BID: variants seen among roughly 807,000 people sequenced by gnomAD.
The protein encoded by BID is BH3-interacting domain death agonist.
A neutral mutation model predicts 17.4 loss-of-function variants in BID; 19 were observed. That is an observed-to-expected ratio of 1.09 (90% CI 0.76 to 1.60). The LOEUF is 1.60. BID is among the 40% of genes most tolerant of loss of function. BID has a pLI of 0.00. For missense variants in BID, 226 were observed against 256.0 expected, an observed-to-expected ratio of 0.88 and a Z score of 0.80; for synonymous variants, 108 against 102.8, an observed-to-expected ratio of 1.05 and a Z score of -0.31.
At chr22:17,759,255 A>AAAC (rs2061618421) in intron 1 of BID, among the ~76,000 whole-genome samples, 1 of 149,914 alleles carries the variant, frequency 6.7e-6, no homozygotes, top group African/African-American at 2.5e-5. Context: ...ACAAAAAAAA[A>AAAC]AAAACAAAAG....
At chr22:17,754,508 G>T (rs974985241) in intron 1 of BID, among the ~76,000 whole-genome samples, 1 of 152,242 alleles carries the variant, frequency 6.6e-6, no homozygotes, top group Non-Finnish European at 1.5e-5. Context: ...TGCTTCTGAG[G>T]CCTATGTGCC....
At chr22:17,738,983 C>T (rs1383061556) in intron 4 of BID, among the ~76,000 whole-genome samples, 1 of 152,158 alleles carries the variant, frequency 6.6e-6, no homozygotes, top group Non-Finnish European at 1.5e-5. Context: ...AACCAAGGAG[C>T]TCAGCAGAGC....
chr22:17,755,170 C>T (rs376333484), intron 1 of BID, among the ~76,000 whole-genome samples: 83 of 151,364 alleles, frequency 5.5e-4, no homozygotes, highest in African/African-American at 2.0e-3. Context: ...CTGCAAGCTC[C>T]GCCTCCCAGG....
intron 4 of BID, 148 bp from the exon 5 acceptor site, chr22:17,738,377 G>A (rs2061435018): frequency 1.3e-6 from 1 of 773,186 alleles, no homozygotes; most frequent in Admixed American, 2.8e-5. Context: ...TGAGTTCTGA[G>A]AGGCAATGGA....
intron 1 of BID, among the ~76,000 whole-genome samples, chr22:17,768,553 C>G (rs1277051277): frequency 6.6e-6 from 1 of 152,200 alleles, no homozygotes; most frequent in Non-Finnish European, 1.5e-5. Context: ...GTCCGCCCCT[C>G]CCTGAACTCT....
At position 17,769,042 on chromosome 22, in the gene BID, AAAATAAAT is replaced by A. The variant is rs55838099; in HGVS notation, c.-59+5331_-59+5338del. Among the ~76,000 whole-genome samples the A allele has an allele frequency of 9.8e-3, 1,452 of 148,766 alleles. 17 individuals carry two copies. Among genetic ancestry groups the A allele is most frequent in the African/African-American group, 0.032 (1,273 of 40,276 alleles). On this transcript the variant is annotated intron_variant, in intron 1 of 5. Transcript: ENST00000622694. This position sits in a 1 kb window ranked among gnomAD's most constrained non-coding sequence, Gnocchi z 4.8. ...GGGCGACAGAGTGAGACTCGTCTCA[AAAATAAAT>A]AAATAAATAAATAAATAAATAAATA...
chr22:17,759,963 T>C (rs2061624251), intron 1 of BID, among the ~76,000 whole-genome samples: 1 of 149,420 alleles, frequency 6.7e-6, no homozygotes, highest in South Asian at 2.1e-4. Flanking sequence ...TAACCCTAAG[T>C]CTCTACTAAA....
At chr22:17,738,725 GGCTGGCCCCACTGAACA>G in intron 4 of BID, among the ~76,000 whole-genome samples, 1 of 152,320 alleles carries the variant, frequency 6.6e-6, no homozygotes, top group East Asian at 1.9e-4. Context: ...GGACATCACA[GGCTGGCCCCACTGAACA>G]GAAGCATGAT....
chr22:17,740,432 C>CTT (rs34005803), intron 3 of BID: 119 of 292,058 alleles, frequency 4.1e-4, no homozygotes, highest in South Asian at 6.7e-4. Flanking sequence ...CTACAAGAAA[C>CTT]TTTTTTTTTT....
intron 1 of BID, among the ~76,000 whole-genome samples, chr22:17,755,657 CG>C (rs1049321451): frequency 4.7e-4 from 71 of 151,832 alleles, no homozygotes; most frequent in African/African-American, 1.5e-3. Context: ...AAAAATTAGC[CG>C]GGTGTGGTGG....
Position 17,737,315 on chromosome 22 carries a change from TC to T in BID, c.576+701del, listed in dbSNP as rs550647380. On this transcript the variant is annotated intron_variant, in intron 5 of 5. Coordinates refer to ENST00000622694, the MANE Select transcript of BID (RefSeq NM_001196.4). ...TGCTCTGGAAAAGATTTCAGACAGT[TC>T]CCCCCCTTTTTTGACTACTCGTTTT... is the stretch of plus-strand genomic sequence containing the variant. 5.0e-4 allele frequency among the ~76,000 whole-genome samples: 76 copies of T among 151,938 alleles called. 1 individual carries two copies. Among genetic ancestry groups the T allele is most frequent in the Admixed American group, 1.2e-3 (18 of 15,240 alleles).
intron 1 of BID, among the ~76,000 whole-genome samples, chr22:17,771,917 G>T (rs2061723679): frequency 1.3e-5 from 2 of 152,204 alleles, no homozygotes; most frequent in Non-Finnish European, 2.9e-5. Flanking sequence ...GGGCTCACAG[G>T]GGAGCGAGGC....
chr22:17,739,279 T>A, intron 4 of BID, 70 bp downstream of exon 4: 1 of 1,467,650 alleles, frequency 6.8e-7, no homozygotes, highest in South Asian at 1.3e-5. Context: ...GTGGGCTGCC[T>A]GGTGAGAGGC....
chr22:17,737,922 G>T, intron 5 of BID, 95 bp downstream of exon 5: 1 of 1,274,700 alleles, frequency 7.8e-7, no homozygotes, highest in Non-Finnish European at 1.1e-6. Flanking sequence ...CCTTGTGCTG[G>T]CATCAGAGGC....
chr22:17,766,058 C>T (rs1271108822), intron 1 of BID, among the ~76,000 whole-genome samples: 2 of 151,908 alleles, frequency 1.3e-5, no homozygotes, highest in Non-Finnish European at 2.9e-5. Flanking sequence ...CCTCCAGAGC[C>T]GGGACTACAG....
At chr22:17,756,170 T>C in intron 1 of BID, among the ~76,000 whole-genome samples, 1 of 151,986 alleles carries the variant, frequency 6.6e-6, no homozygotes, top group East Asian at 1.9e-4. Context: ...GCCGGCCTGT[T>C]GTTGTTCTTA....
chr22:17,740,498 C>T (rs990415166), intron 3 of BID: 23 of 250,824 alleles, frequency 9.2e-5, no homozygotes, highest in Admixed American at 2.8e-4. Context: ...GGCGCGATCT[C>T]GGCTCACTGC....
chr22:17,765,243 C>T (rs2061669802), intron 1 of BID, among the ~76,000 whole-genome samples: 1 of 152,176 alleles, frequency 6.6e-6, no homozygotes, highest in African/African-American at 2.4e-5. Flanking sequence ...TACAATGCCT[C>T]ACAACAACGC....
intron 3 of BID, 166 bp from the exon 4 acceptor site, chr22:17,739,654 TACC>T: frequency 1.1e-6 from 1 of 917,408 alleles, no homozygotes; most frequent in Non-Finnish European, 1.6e-6. Flanking sequence ...GCGGGCTGAG[TACC>T]AGCGCTGAGC....
Sources: gnomAD v4.1 joint callset for allele counts (sites outside exome capture counted in the v4.1 genomes callset) on GRCh38, gnomAD v4.1.1 for gene constraint, Gnocchi (gnomAD v3.1) non-coding constraint, MANE v1.5 for transcripts, NCBI Gene and HGNC (gene_info 2026-07-23, HGNC 2026-07-21) for gene names.